The following PDE4D variants were observed in gnomAD, a reference collection of about 807,000 sequenced individuals.
PDE4D encodes the protein phosphodiesterase 4D.
PDE4D carries 24 observed loss-of-function variants against 87.4 expected under a neutral mutation model. The ratio of observed to expected loss-of-function variants is 0.27; its 90% CI spans 0.20 to 0.39. The LOEUF (loss-of-function observed/expected upper bound fraction) is 0.39. PDE4D is among the 10% of genes least tolerant of loss of function. PDE4D has a pLI of 1.00. For missense variants in PDE4D, 714 were observed against 1,041.0 expected (o/e 0.69, Z 4.32); for synonymous variants, 384 against 383.2 (o/e 1.00, Z -0.02).
intron 1 of PDE4D, among the ~76,000 whole-genome samples, chr5:59,885,967 T>C (rs998083574): frequency 6.6e-6 from 1 of 152,222 alleles, no homozygotes; most frequent in African/African-American, 2.4e-5. Context: ...CAATATTCCC[T>C]TCCATCATCT....
At chr5:59,483,058 G>A (rs1804538550) in intron 1 of PDE4D, among the ~76,000 whole-genome samples, 1 of 152,140 alleles carries the variant, frequency 6.6e-6, no homozygotes, top group South Asian at 2.1e-4. Flanking sequence ...CCTTCCACAA[G>A]TAAGAGAGGA....
intron 1 of PDE4D, among the ~76,000 whole-genome samples, chr5:59,686,876 A>G (rs1749960850): frequency 6.6e-6 from 1 of 152,192 alleles, no homozygotes; most frequent in Non-Finnish European, 1.5e-5. Flanking sequence ...GGAATTGTCA[A>G]ATCTTCAAAT....
chr5:59,662,063 C>G (rs138537272), intron 1 of PDE4D, among the ~76,000 whole-genome samples: 9 of 152,232 alleles, frequency 5.9e-5, no homozygotes, highest in African/African-American at 2.2e-4. Context: ...CATTTTAGAT[C>G]AAAGGCTTTA....
chr5:60,197,603 T>C (rs1741421468), intron 1 of PDE4D, among the ~76,000 whole-genome samples: 2 of 151,528 alleles, frequency 1.3e-5, no homozygotes, highest in African/African-American at 2.4e-5. Context: ...CTAATGCGGC[T>C]TCAGTAGAAC....
intron 1 of PDE4D, among the ~76,000 whole-genome samples, chr5:60,444,550 CAA>C: frequency 6.6e-6 from 1 of 152,036 alleles, no homozygotes; most frequent in Non-Finnish European, 1.5e-5. Flanking sequence ...GGGGATCAGA[CAA>C]AGTTTCATAG....
At chr5:59,389,711 G>A (rs911989924) in intron 1 of PDE4D, among the ~76,000 whole-genome samples, 2 of 152,070 alleles carry the variant, frequency 1.3e-5, no homozygotes, top group Non-Finnish European at 2.9e-5. Flanking sequence ...TGTCCTTGAT[G>A]GAACTGGAGG....
At chr5:59,277,256 G>C (rs1764996967) in intron 1 of PDE4D, among the ~76,000 whole-genome samples, 1 of 152,124 alleles carries the variant, frequency 6.6e-6, no homozygotes, top group Non-Finnish European at 1.5e-5. Flanking sequence ...TTGTGACTTA[G>C]TCTTCTTTCA....
rs180678622 is a variant in PDE4D, at chr5:59,151,718, C to T, written c.808+28877G>A. On this transcript the variant is annotated intron_variant, in intron 5 of 14. Transcript: ENST00000340635. ...TTCTACCTTAGGGAGAGAGATGGTG[C>T]GAAAGCAGAAGTGAGGAATCACAGA... Among the ~76,000 whole-genome samples the T allele has an allele frequency of 2.0e-3, 304 of 151,944 alleles. 1 individual carries two copies. Among genetic ancestry groups the T allele is most frequent in the Non-Finnish European group, 3.8e-3 (261 of 67,994 alleles).
chr5:59,696,218 T>C (rs1400892010), intron 1 of PDE4D, among the ~76,000 whole-genome samples: 1 of 152,130 alleles, frequency 6.6e-6, no homozygotes, highest in African/African-American at 2.4e-5. Flanking sequence ...TAATATGAGA[T>C]TATATAGCCA....
intron 1 of PDE4D, among the ~76,000 whole-genome samples, chr5:59,751,870 C>T (rs572300336): frequency 1.7e-4 from 26 of 152,218 alleles, no homozygotes; most frequent in African/African-American, 6.0e-4. Flanking sequence ...TCCTAGGCCC[C>T]TCTCTCTTTG....
intron 2 of PDE4D, among the ~76,000 whole-genome samples, chr5:60,072,980 T>G (rs1772887478): frequency 6.6e-6 from 1 of 152,106 alleles, no homozygotes; most frequent in Admixed American, 6.6e-5. Context: ...GCCTTGGCTG[T>G]TTGGTATTGC....
chr5:59,122,613 T>C (rs757753219), intron 5 of PDE4D, among the ~76,000 whole-genome samples: 3 of 152,228 alleles, frequency 2.0e-5, no homozygotes, highest in Non-Finnish European at 4.4e-5. Flanking sequence ...ATACATATTG[T>C]GTATGTAACA....
chr5:60,197,823 C>T (rs957042339), intron 1 of PDE4D, among the ~76,000 whole-genome samples: 1 of 151,454 alleles, frequency 6.6e-6, no homozygotes, highest in Non-Finnish European at 1.5e-5. Context: ...GAGTAGAAAC[C>T]AAAACCTCTC....
chr5:59,177,245 C>A (rs986030406), intron 5 of PDE4D, among the ~76,000 whole-genome samples: 3 of 152,112 alleles, frequency 2.0e-5, no homozygotes, highest in Non-Finnish European at 4.4e-5. Flanking sequence ...TCTCACCAGA[C>A]CCCAACCATG....
chr5:59,080,275 A>G lies in PDE4D; in HGVS notation c.809-41304T>C, dbSNP rs562967280. Among the ~76,000 whole-genome samples, 12 of 152,306 alleles carry G rather than the reference A, an allele frequency of 7.9e-5. No individual in the cohort carries two copies. In the South Asian group the frequency reaches 2.3e-3, roughly 29 times the overall value. The stretch of plus-strand genomic sequence containing the variant: ...CTTTGAAACACAAATAAGTGTGATG[A>G]ACGTGACCCTGGCACTCTGTAGCCC... On this transcript the variant is annotated intron_variant, in intron 5 of 14. Coordinates refer to ENST00000340635, the MANE Select transcript of PDE4D (RefSeq NM_001104631.2).
intron 1 of PDE4D, among the ~76,000 whole-genome samples, chr5:60,208,353 G>C (rs1463648607): frequency 2.0e-5 from 3 of 152,176 alleles, no homozygotes; most frequent in Admixed American, 2.0e-4. Context: ...GAAGTACCTT[G>C]GTGTGTCTGA....
chr5:59,619,798 TAGCAC>T (rs546322123), intron 1 of PDE4D, among the ~76,000 whole-genome samples: 285 of 152,236 alleles, frequency 1.9e-3, no homozygotes, highest in Middle Eastern at 3.4e-3. Flanking sequence ...TTCCTGGATT[TAGCAC>T]TAAAAATGTC....
chr5:60,423,395 C>T (rs1490682826), intron 1 of PDE4D, among the ~76,000 whole-genome samples: 1 of 152,174 alleles, frequency 6.6e-6, no homozygotes, highest in African/African-American at 2.4e-5. Context: ...GAAACTCACT[C>T]AAAACTGCTC....
rs2277014 is a variant in PDE4D, at chr5:59,180,803, C to T, written c.759-159G>A. On this transcript the variant is annotated intron_variant, in intron 4 of 14. Coordinates refer to ENST00000340635, the MANE Select transcript of PDE4D (RefSeq NM_001104631.2). The stretch of plus-strand genomic sequence containing the variant: ...CAGACTAGCCAGACAAGTCCCTAGG[C>T]GTTCTTTGTATTATGGCTCAGATCA... Among the ~76,000 whole-genome samples the T allele has an allele frequency of 2.7e-4, 41 of 152,270 alleles. 1 individual carries two copies. In the East Asian group the frequency reaches 6.4e-3, roughly 24 times the overall value.
Sources: allele counts gnomAD v4.1 joint callset (sites outside exome capture counted in the v4.1 genomes callset), GRCh38; gene constraint gnomAD v4.1.1; transcripts MANE v1.5; gene names NCBI Gene and HGNC (gene_info 2026-07-23, HGNC 2026-07-21).